Variants in MAF observed in about 807,000 individuals in gnomAD.
The protein encoded by MAF is MAF bZIP transcription factor.
In MAF, 10 loss-of-function variants were observed where a neutral mutation model predicts 22.0. The observed-to-expected ratio is 0.45, with a 90% confidence interval of 0.28 to 0.77. MAF has a LOEUF of 0.77. Among genes scored for constraint, MAF ranks in the 30% least tolerant of loss-of-function variants. MAF has a pLI of 0.12. For synonymous variants in MAF, 337 were observed against 255.8 expected (o/e 1.32, Z -3.03); for missense variants, 544 against 548.4 (o/e 0.99, Z 0.08).
the MAF span, among the ~76,000 whole-genome samples, chr16:79,298,496 C>T: frequency 2.6e-5 from 4 of 152,166 alleles, no homozygotes; most frequent in African/African-American, 7.2e-5. Context: ...CCAGCTCCAA[C>T]TGGGGAGGGG....
rs756444937 is a variant in MAF, at chr16:79,599,752, C to T, written c.151G>A (p.Ala51Thr). Residue 51 changes from alanine (A) to threonine (T), a missense_variant, in exon 1 of 2, where the codon GCC becomes ACC. Ala to Thr is a moderately conservative substitution (Grantham distance 58). Transcript: ENST00000326043. ...RIISQCGRLI[A>T]GGSLSSTPMS... ...GGGGTGGAGGACAGCGAGCCCCCGG[C>T]GATGAGACGGCCGCACTGGCTGATG... 2 of 1,613,024 alleles carry T rather than the reference C, an allele frequency of 1.2e-6. No individual in the cohort carries two copies. The highest frequency in any genetic ancestry group is 8.5e-7 in the Non-Finnish European group (1 of 1,179,896).
chr16:79,353,975 C>T, the MAF span, among the ~76,000 whole-genome samples: 15,508 of 151,914 alleles, frequency 0.1, 1,546 homozygotes, highest in African/African-American at 0.25. Context: ...GGGGTAGAGA[C>T]ACATAAGCAG....
the MAF span, among the ~76,000 whole-genome samples, chr16:79,479,327 G>A: frequency 6.6e-6 from 1 of 152,220 alleles, no homozygotes; most frequent in Non-Finnish European, 1.5e-5. Flanking sequence ...ATGTAGCAGT[G>A]TACCATCCCC....
the MAF span, chr16:79,211,550 G>T: frequency 1.2e-6 from 2 of 1,609,880 alleles, no homozygotes; most frequent in Admixed American, 3.3e-5. Flanking sequence ...TCGAAATGAC[G>T]CCATCTCATC....
exon 2 of MAF, chr16:79,585,932 C>A: frequency 1.5e-6 from 1 of 684,182 alleles, no homozygotes; most frequent in South Asian, 1.6e-5. Context: ...TAGAGGATTC[C>A]CTTGGGTACC....
the MAF span, among the ~76,000 whole-genome samples, chr16:79,455,228 C>T: frequency 5.3e-5 from 8 of 152,214 alleles, no homozygotes; most frequent in African/African-American, 1.7e-4. Flanking sequence ...CAAAGTGAAG[C>T]CATGGTATAT....
chr16:79,261,115 G>T, the MAF span, among the ~76,000 whole-genome samples: 1 of 152,044 alleles, frequency 6.6e-6, no homozygotes, highest in Non-Finnish European at 1.5e-5. Context: ...AAGCTGGCAG[G>T]ATGGCCCAGA....
chr16:79,313,892 C>A, the MAF span, among the ~76,000 whole-genome samples: 236 of 152,238 alleles, frequency 1.6e-3, no homozygotes, highest in African/African-American at 5.5e-3. Context: ...ACTTTCTGAG[C>A]CTGCCTGTTC....
chr16:79,205,380 C>G, the MAF span: 2 of 152,172 alleles, frequency 1.3e-5, no homozygotes, highest in East Asian at 3.9e-4. Flanking sequence ...GTTTTTCTAC[C>G]TTTGTGAACC....
At chr16:79,284,681 G>T in the MAF span, among the ~76,000 whole-genome samples, 1 of 152,228 alleles carries the variant, frequency 6.6e-6, no homozygotes, top group Non-Finnish European at 1.5e-5. Context: ...GTTTCAAACT[G>T]TGCAGGGCTG....
At chr16:79,215,471 A>T in the MAF span, among the ~76,000 whole-genome samples, 6 of 152,200 alleles carry the variant, frequency 3.9e-5, no homozygotes, top group Admixed American at 6.5e-5. Context: ...GAGAAAGAAG[A>T]TATTGGCGTA....
At chr16:79,438,467 G>T in the MAF span, among the ~76,000 whole-genome samples, 1 of 152,208 alleles carries the variant, frequency 6.6e-6, no homozygotes, top group Non-Finnish European at 1.5e-5. Context: ...GCCTGGAGGA[G>T]GCTGCGGAGA....
the MAF span, among the ~76,000 whole-genome samples, chr16:79,337,143 A>G: frequency 2.6e-5 from 4 of 152,228 alleles, no homozygotes; most frequent in Non-Finnish European, 2.9e-5. Flanking sequence ...ATATTTGTTA[A>G]GACGAGTGAG....
downstream of MAF, among the ~76,000 whole-genome samples, chr16:79,585,505 G>A (rs959083919): frequency 2.0e-5 from 3 of 152,002 alleles, no homozygotes; most frequent in African/African-American, 7.2e-5. Flanking sequence ...CAAATTATCT[G>A]ACACTCAAGT....
chr16:79,499,329 T>A, the MAF span, among the ~76,000 whole-genome samples: 2 of 152,110 alleles, frequency 1.3e-5, no homozygotes, highest in Non-Finnish European at 2.9e-5. Context: ...GACACAGTCA[T>A]CTCATGGCAA....
the MAF span, among the ~76,000 whole-genome samples, chr16:79,343,253 A>C: frequency 6.7e-6 from 1 of 150,172 alleles, no homozygotes; most frequent in Admixed American, 6.6e-5. Flanking sequence ...CCCCCAAAAA[A>C]ATCTATGTGT....
chr16:79,234,423 A>G, the MAF span, among the ~76,000 whole-genome samples: 172 of 152,290 alleles, frequency 1.1e-3, 3 homozygotes, highest in Non-Finnish European at 2.9e-4. Flanking sequence ...TAGAGTGTTC[A>G]TTGTCAATTT....
the MAF span, among the ~76,000 whole-genome samples, chr16:79,534,645 G>C: frequency 6.6e-6 from 1 of 152,080 alleles, no homozygotes; most frequent in South Asian, 2.1e-4. Context: ...TAAATAACGA[G>C]TTAATGGGTA....
At chr16:79,478,325 G>T in the MAF span, among the ~76,000 whole-genome samples, 1 of 152,174 alleles carries the variant, frequency 6.6e-6, no homozygotes, top group Non-Finnish European at 1.5e-5. Context: ...TCATTTTATA[G>T]ATGTGGTAGA....
Sources: allele counts gnomAD v4.1 joint callset (sites outside exome capture counted in the v4.1 genomes callset), GRCh38; gene constraint gnomAD v4.1.1; transcripts MANE v1.5; gene names NCBI Gene and HGNC (gene_info 2026-07-23, HGNC 2026-07-21).